Variants in CLEC17A observed in about 807,000 individuals in gnomAD.
CLEC17A encodes the protein C-type lectin domain family 17, member A.
Under a neutral mutation model 61.3 loss-of-function variants are expected in CLEC17A, and 37 were observed. That is an observed-to-expected ratio of 0.60 (90% CI 0.46 to 0.79). The LOEUF (loss-of-function observed/expected upper bound fraction) is 0.79, where lower values mean the gene tolerates loss of function less well. Among genes scored for constraint, CLEC17A ranks in the 30% least tolerant of loss-of-function variants. The pLI is 0.00. For missense variants in CLEC17A, 418 were observed against 464.7 expected (o/e 0.90, Z 0.92); for synonymous variants, 168 against 164.9 (o/e 1.02, Z -0.14).
At chr19:14,592,211 C>T (rs532591132) in intron 3 of CLEC17A, 70 bp from the exon 4 acceptor site, 19 of 1,466,600 alleles carry the variant, frequency 1.3e-5, no homozygotes. Context: ...GCAGCTGAGG[C>T]AGAGACCAGG....
At chr19:14,583,066 G>T, upstream of CLEC17A, 1 of 1,375,450 alleles carries the variant, frequency 7.3e-7, no homozygotes, top group South Asian at 1.2e-5. Context: ...AAAGGAAAAG[G>T]GAACTGAGAG....
In CLEC17A at chr19:14,598,325, TCA is replaced by T. The variant is rs939400006; in HGVS notation, c.646+1166_646+1167del. ...TTCTTTCTCTCTCTCTCTCTCTCTC[TCA>T]CTATCTCTTTCTTTCTTTCTTTCTT... is the stretch of plus-strand genomic sequence containing the variant. On this transcript the variant is annotated intron_variant, in intron 10 of 13. Coordinates refer to ENST00000417570, the MANE Select transcript of CLEC17A (RefSeq NM_001204118.2). Among the ~76,000 whole-genome samples, 321 of 143,400 alleles carry T rather than the reference TCA, an allele frequency of 2.2e-3. 3 individuals are homozygous for T. The highest frequency in any genetic ancestry group is 8.6e-3 in the African/African-American group (308 of 35,746). 94.1% of individuals were successfully genotyped at this position (143,400 alleles called of 152,430 possible). A position where few individuals can be genotyped will look rare whatever the true frequency, so the allele number is the denominator to read the frequency against.
At chr19:14,609,262 ACT>A (rs2074987726) in intron 13 of CLEC17A, among the ~76,000 whole-genome samples, 1 of 152,098 alleles carries the variant, frequency 6.6e-6, no homozygotes, top group Non-Finnish European at 1.5e-5. Context: ...AGTTGGGATG[ACT>A]CTGGTGCTGT....
chr19:14,600,310 C>A, intron 12 of CLEC17A, 128 bp downstream of exon 12: 2 of 1,119,226 alleles, frequency 1.8e-6, no homozygotes, highest in Non-Finnish European at 2.5e-6. Flanking sequence ...AAAACTTTAA[C>A]AGCAAGCTCT....
intron 12 of CLEC17A, among the ~76,000 whole-genome samples, chr19:14,605,740 G>C (rs1334393921): frequency 6.6e-6 from 1 of 151,776 alleles, no homozygotes; most frequent in Admixed American, 6.6e-5. Flanking sequence ...AAAGACCTGG[G>C]ATTTTGACTT....
chr19:14,600,891 C>CTTTTT (rs71166763), intron 12 of CLEC17A, among the ~76,000 whole-genome samples: 6 of 63,216 alleles, frequency 9.5e-5, no homozygotes, highest in Admixed American at 4.3e-4. Context: ...GCTCGGCCTT[C>CTTTTT]TTTTTTTTTT....
At chr19:14,597,969 T>A (rs2074589858) in intron 10 of CLEC17A, among the ~76,000 whole-genome samples, 1 of 151,290 alleles carries the variant, frequency 6.6e-6, no homozygotes, top group Non-Finnish European at 1.5e-5. Context: ...CGTGGGGGAG[T>A]AGTGATAATA....
chr19:14,581,417 G>A (rs1568441184), upstream of CLEC17A, among the ~76,000 whole-genome samples: 1 of 152,062 alleles, frequency 6.6e-6, no homozygotes, highest in Non-Finnish European at 1.5e-5. Flanking sequence ...TCCGCCTCCC[G>A]GGTTCAAGCG....
At chr19:14,592,515 T>C (rs1008233545) in intron 4 of CLEC17A, among the ~76,000 whole-genome samples, 157 bp downstream of exon 4, 23 of 152,042 alleles carry the variant, frequency 1.5e-4, no homozygotes, top group Admixed American at 3.3e-4. Context: ...GACCTGTCAG[T>C]CTGATGGCAG....
At chr19:14,592,848 A>T (rs1444017576) in intron 4 of CLEC17A, among the ~76,000 whole-genome samples, 1 of 152,004 alleles carries the variant, frequency 6.6e-6, no homozygotes. Context: ...TATTTTTAGT[A>T]GAGACCAGGG....
chr19:14,593,964 A>AAAACAAAC (rs542906170), intron 4 of CLEC17A, among the ~76,000 whole-genome samples: 7,632 of 146,854 alleles, frequency 0.052, 235 homozygotes, highest in East Asian at 0.11. Context: ...TCTGTCTCAT[A>AAAACAAAC]AAACAAACAA....
chr19:14,609,905 G>A (rs1299719410), intron 13 of CLEC17A, among the ~76,000 whole-genome samples, 159 bp from the exon 14 acceptor site: 1 of 152,096 alleles, frequency 6.6e-6, no homozygotes, highest in Non-Finnish European at 1.5e-5. Flanking sequence ...AGGCACGGTG[G>A]CTCACTGTGC....
At chr19:14,588,453 T>G (rs28635083) in intron 3 of CLEC17A, 35,789 of 151,580 alleles carry the variant, frequency 0.24, 7,857 homozygotes, top group African/African-American at 0.59. Context: ...TTGTGAAGTA[T>G]GTGATTGGGC....
At chr19:14,601,111 C>T (rs1283069293) in intron 12 of CLEC17A, among the ~76,000 whole-genome samples, 3 of 151,430 alleles carry the variant, frequency 2.0e-5, no homozygotes, top group African/African-American at 7.3e-5. Flanking sequence ...CCATGTTGGC[C>T]AGGCTGTTCT....
chr19:14,610,486 A>G lies in CLEC17A; in HGVS notation c.*290A>G, dbSNP rs571842150. ...GATCTTCACTAAGTTCCTGATCATGACTCTTGGGAAGTGATACTAGCCCTG... is the reference window on the plus strand; with the variant it reads ...GATCTTCACTAAGTTCCTGATCATGGCTCTTGGGAAGTGATACTAGCCCTG... On this transcript the variant is annotated 3_prime_UTR_variant, in exon 14 of 14. Transcript: ENST00000417570. The G allele has an allele frequency of 5.5e-4, 212 of 382,514 alleles. 1 individual carries two copies. The highest frequency in any genetic ancestry group is 2.8e-3 in the Admixed American group (71 of 25,384). 23.7% of individuals were successfully genotyped at this position (382,514 alleles called of 1,614,324 possible). A position where few individuals can be genotyped will look rare whatever the true frequency, so the allele number is the denominator to read the frequency against.
At chr19:14,584,764 C>T (rs1261242749) in intron 2 of CLEC17A, among the ~76,000 whole-genome samples, 11 of 151,916 alleles carry the variant, frequency 7.2e-5, no homozygotes, top group Admixed American at 2.6e-4. Context: ...TTCAGGGCCA[C>T]GTCTGCTCCA....
At position 14,611,838 on chromosome 19, in the gene CLEC17A, C is replaced by A. The variant is rs1183133344; in HGVS notation, c.*1642C>A. Among the ~76,000 whole-genome samples the A allele has an allele frequency of 2.6e-5, 4 of 151,982 alleles. No individual in the cohort carries two copies. The highest frequency in any genetic ancestry group is 9.7e-5 in the African/African-American group (4 of 41,398). ...CCAACATGGTAAAATCCTATCTCTA[C>A]TAAAAATACAAAAAAATTAGCTGGG... On this transcript the variant is annotated 3_prime_UTR_variant, in exon 14 of 14. Coordinates refer to ENST00000417570, the MANE Select transcript of CLEC17A (RefSeq NM_001204118.2).
rs1266976857 is a variant in CLEC17A at position 14,594,204 on chromosome 19, G to C, written c.278-313G>C. 2.0e-5 allele frequency among the ~76,000 whole-genome samples: 3 copies of C among 152,014 alleles called. No individual in the cohort carries two copies. In the East Asian group the frequency reaches 5.8e-4, roughly 29 times the overall value. Reference sequence around the variant, plus strand: ...CTGAGGCAGAATTGCTTGAACCCAGGGGGCGGAGGTTTCAGTGAGATGAGA... The same window carrying C: ...CTGAGGCAGAATTGCTTGAACCCAGCGGGCGGAGGTTTCAGTGAGATGAGA... On this transcript the variant is annotated intron_variant, in intron 4 of 13. Transcript: ENST00000417570.
intron 8 of CLEC17A, among the ~76,000 whole-genome samples, chr19:14,595,963 G>C: frequency 1.4e-5 from 1 of 69,544 alleles, no homozygotes; most frequent in Non-Finnish European, 3.2e-5. Flanking sequence ...TGGTATTGTT[G>C]ACAATGACAA....
Sources: gnomAD v4.1 joint callset for allele counts (sites outside exome capture counted in the v4.1 genomes callset) on GRCh38, gnomAD v4.1.1 for gene constraint, MANE v1.5 for transcripts, NCBI Gene and HGNC (gene_info 2026-07-23, HGNC 2026-07-21) for gene names.